Variants in BRD8 observed in about 807,000 individuals in gnomAD.
The protein encoded by BRD8 is bromodomain containing 8.
BRD8 carries 67 observed loss-of-function variants against 143.1 expected under a neutral mutation model. The ratio of observed to expected loss-of-function variants is 0.47; its 90% confidence interval spans 0.38 to 0.57. The LOEUF (loss-of-function observed/expected upper bound fraction) is 0.57, where lower values mean the gene tolerates loss of function less well. BRD8 is among the 20% of genes least tolerant of loss of function. BRD8 has a pLI of 0.00. For missense variants in BRD8, 1,103 were observed against 1,503.0 expected (o/e 0.73, Z 4.40); for synonymous variants, 505 against 517.1 (o/e 0.98, Z 0.32).
chr5:138,170,892 T>G lies in BRD8; in HGVS notation c.380A>C (p.Glu127Ala). ...ERYRRLKRDA[E>A]LIQAGHMDSR... ...GTCCATGTGTCCAGCTTGAATTAGTTCTGCATCTCTCTTTAGCCGTCTATA... is the reference window on the plus strand; with the variant it reads ...GTCCATGTGTCCAGCTTGAATTAGTGCTGCATCTCTCTTTAGCCGTCTATA... The change falls in exon 6 of 27, where the codon GAA becomes GCA. Residue 127 changes from glutamate (E) to alanine (A), a missense_variant. Physicochemically the swap from Glu to Ala is moderately radical, Grantham distance 107 (BLOSUM62 -1). Around this residue, in one of 7 missense-constraint regions of BRD8, gnomAD observed 334 missense variants for 372.5 expected, o/e 0.90. Transcript: ENST00000254900. The G allele has an allele frequency of 6.2e-7, 1 of 1,614,208 alleles. No homozygotes were observed. The highest frequency in any genetic ancestry group is 8.5e-7 in the Non-Finnish European group (1 of 1,180,038).
rs1406211913 is a variant in BRD8 at position 138,166,159 on chromosome 5, G to A, written c.998-51C>T. The A allele has an allele frequency of 1.9e-5, 25 of 1,339,372 alleles. 1 individual carries two copies. The highest frequency in any genetic ancestry group is 4.9e-5 in the South Asian group (4 of 80,876). The allele number at this position is 1,339,372 out of a possible 1,614,324, so 83.0% of individuals were successfully genotyped here. A position where few individuals can be genotyped will look rare whatever the true frequency, so the allele number is the denominator to read the frequency against. ...CTCAGAAGCTTATTGGGTACAAAGCGACCACCTTGAGATCACATAAGCGCT... is the reference window on the plus strand; with the variant it reads ...CTCAGAAGCTTATTGGGTACAAAGCAACCACCTTGAGATCACATAAGCGCT... On this transcript the variant is annotated intron_variant, in intron 10 of 26. Coordinates refer to ENST00000254900, the MANE Select transcript of BRD8 (RefSeq NM_139199.2).
In BRD8 at chr5:138,170,858, C is replaced by T. The variant is rs920291974; in HGVS notation, c.414G>A (p.Leu138=). Residue 138 remains leucine, a synonymous_variant, in exon 6 of 27, where the codon CTG becomes CTA. Transcript: ENST00000254900. Reference sequence around the variant, plus strand: ...TTGCAATGTCATTGCAAAGCTCATCCAGTCTGCTGTCCATGTGTCCAGCTT... The same window carrying T: ...TTGCAATGTCATTGCAAAGCTCATCTAGTCTGCTGTCCATGTGTCCAGCTT... ...LIQAGHMDSR[L]DELCNDIATK... 6 of 1,614,040 alleles carry T rather than the reference C, an allele frequency of 3.7e-6. No homozygotes were observed. In the African/African-American group the frequency reaches 8.0e-5, roughly 22 times the overall value.
At chr5:138,170,481 A>G (rs1160183943) in intron 6 of BRD8, 72 bp from the exon 7 acceptor site, 1 of 1,571,390 alleles carries the variant, frequency 6.4e-7, no homozygotes, top group Non-Finnish European at 8.7e-7. Context: ...ACCCTTACAA[A>G]GTAATTTTTT....
intron 9 of BRD8, 138 bp downstream of exon 9, chr5:138,167,796 A>T: frequency 1.4e-6 from 1 of 713,832 alleles, no homozygotes; most frequent in Non-Finnish European, 2.5e-6. Flanking sequence ...TTTACCAGGT[A>T]AAGTAGCTCC....
intron 15 of BRD8, 72 bp downstream of exon 15, chr5:138,163,058 A>ACGGAAGG: frequency 8.6e-6 from 12 of 1,387,878 alleles, no homozygotes; most frequent in Non-Finnish European, 1.2e-5. Context: ...GACAGGAAGG[A>ACGGAAGG]AGGAAGGAAG....
chr5:138,169,945 G>C (rs1416239039), intron 7 of BRD8, among the ~76,000 whole-genome samples: 7 of 152,180 alleles, frequency 4.6e-5, no homozygotes, highest in African/African-American at 1.7e-4. Context: ...TGCAGCAAGA[G>C]CAAAACTCCG....
At chr5:138,140,947 A>C in intron 25 of BRD8, 65 bp from the exon 26 acceptor site, 2 of 1,538,368 alleles carry the variant, frequency 1.3e-6, no homozygotes, top group Non-Finnish European at 1.8e-6. Context: ...ATAACCTAAC[A>C]CGTTCTCTTG....
chr5:138,140,488 C>T (rs1751858708), intron 26 of BRD8: 1 of 622,574 alleles, frequency 1.6e-6, no homozygotes, highest in Admixed American at 2.9e-5. Flanking sequence ...CTTGAGAGCT[C>T]TTCACTGCTG....
chr5:138,147,594 A>C (rs983286437), intron 23 of BRD8, among the ~76,000 whole-genome samples: 13 of 152,166 alleles, frequency 8.5e-5, no homozygotes, highest in Non-Finnish European at 2.9e-5. Flanking sequence ...GAATCACTTG[A>C]GGCCAGGAGT....
Position 138,171,129 on chromosome 5 carries a change from C to G in BRD8, c.268G>C (p.Glu90Gln). 1 of 1,613,432 alleles carries G rather than the reference C, an allele frequency of 6.2e-7. No homozygotes were observed. The highest frequency in any genetic ancestry group is 8.5e-7 in the Non-Finnish European group (1 of 1,179,704). The change falls in exon 5 of 27, where the codon GAA becomes CAA. Residue 90 changes from glutamate to glutamine, a missense_variant. By Grantham distance (29) the Glu-to-Gln change is conservative. Transcript: ENST00000254900. ...CGAACAATAACATCTTCAACAGTTTCCACCACTTCTCCCTTTTCACCTCGT... is the reference window on the plus strand; with the variant it reads ...CGAACAATAACATCTTCAACAGTTTGCACCACTTCTCCCTTTTCACCTCGT... ...RKRGEKGEVV[E>Q]TVEDVIVRKL...
At chr5:138,155,446 A>G (rs1752547130) in intron 20 of BRD8, among the ~76,000 whole-genome samples, 1 of 150,764 alleles carries the variant, frequency 6.6e-6, no homozygotes, top group Non-Finnish European at 1.5e-5. Flanking sequence ...TGAAACTCCG[A>G]ATTTAAAAAA....
At chr5:138,168,585 A>G in intron 8 of BRD8, 2 of 1,608,798 alleles carry the variant, frequency 1.2e-6, no homozygotes. Flanking sequence ...ATCATCTGTT[A>G]CTGGGGTCAT....
At chr5:138,161,241 A>ATAT (rs1752974278) in intron 17 of BRD8, 173 bp from the exon 18 acceptor site, 2 of 523,558 alleles carry the variant, frequency 3.8e-6, no homozygotes, top group Middle Eastern at 5.0e-4. Context: ...AACAATCTAT[A>ATAT]TAATAAGCAT....
chr5:138,165,680 C>T lies in BRD8; in HGVS notation c.1278+148G>A, dbSNP rs543511551. On this transcript the variant is annotated intron_variant, in intron 11 of 26. Transcript: ENST00000254900. ...GGCAGAGGTAACAGTAAGCCAAGAT[C>T]GTGCCACTGCACTTCAGCCTGGATG... 1.3e-4 allele frequency: 112 copies of T among 871,218 alleles called. 1 individual carries two copies. In the South Asian group the frequency reaches 2.0e-3, roughly 16 times the overall value. The allele number at this position is 871,218 out of a possible 1,614,324, so 54.0% of individuals were successfully genotyped here. A position where few individuals can be genotyped will look rare whatever the true frequency, so the allele number is the denominator to read the frequency against.
At chr5:138,152,840 G>GA (rs1422100350) in intron 20 of BRD8, 80 bp from the exon 21 acceptor site, 3 of 1,451,434 alleles carry the variant, frequency 2.1e-6, no homozygotes, top group Non-Finnish European at 2.8e-6. Context: ...GAGTTCAGTA[G>GA]AAAAATAAGG....
At chr5:138,150,633 T>G in intron 22 of BRD8, 112 bp downstream of exon 22, 4 of 1,237,490 alleles carry the variant, frequency 3.2e-6, no homozygotes, top group Non-Finnish European at 3.3e-6. Flanking sequence ...AAATCCAGGA[T>G]TTGGATCCAG....
At position 138,167,850 on chromosome 5, in the gene BRD8, A is replaced by G. The variant is rs553668838; in HGVS notation, c.787+84T>C. 4.8e-4 allele frequency: 605 copies of G among 1,270,688 alleles called. 5 individuals carry two copies. In the South Asian group the frequency reaches 6.6e-3, roughly 14 times the overall value. 78.7% of individuals were successfully genotyped at this position (1,270,688 alleles called of 1,614,324 possible). A position where few individuals can be genotyped will look rare whatever the true frequency, so the allele number is the denominator to read the frequency against. ...GTTGGGCTTTAAATCTAGCACTGACAACTGCTTAGTAACAGTGAAACTGAG... is the reference window on the plus strand; with the variant it reads ...GTTGGGCTTTAAATCTAGCACTGACGACTGCTTAGTAACAGTGAAACTGAG... On this transcript the variant is annotated intron_variant, in intron 9 of 26. Transcript: ENST00000254900.
At chr5:138,163,439 T>C (rs146554143) in intron 14 of BRD8, 95 bp from the exon 15 acceptor site, 2 of 1,465,066 alleles carry the variant, frequency 1.4e-6, no homozygotes, top group African/African-American at 1.4e-5. Context: ...GAATTAGTTC[T>C]AGAAATGACC....
In BRD8 at chr5:138,162,130, C is replaced by G; in HGVS notation, c.2104G>C (p.Asp702His). The change falls in exon 16 of 27, where the codon GAT becomes CAT. Residue 702 changes from aspartate (D) to histidine (H), a missense_variant. By Grantham distance (81) the Asp-to-His change is moderately conservative. Coordinates refer to ENST00000254900, the MANE Select transcript of BRD8 (RefSeq NM_139199.2). ...ASSQFSVCSE[D>H]QEAIQAQKIW... The stretch of plus-strand genomic sequence containing the variant: ...TTCTGTGCCTGAATAGCTTCCTGAT[C>G]CTCACTACAGACAGAGCTGAAACAG... The G allele has an allele frequency of 6.2e-7, 1 of 1,613,506 alleles. No individual in the cohort carries two copies. The highest frequency in any genetic ancestry group is 8.5e-7 in the Non-Finnish European group (1 of 1,179,748).
Sources: gnomAD v4.1 joint callset for allele counts (sites outside exome capture counted in the v4.1 genomes callset) on GRCh38, gnomAD v4.1.1 for gene constraint, gnomAD v4.1.1 regional missense constraint, MANE v1.5 for transcripts, NCBI Gene and HGNC (gene_info 2026-07-23, HGNC 2026-07-21) for gene names.